SYN3: variants seen among roughly 807,000 people sequenced by gnomAD.
The protein encoded by SYN3 is synapsin III.
SYN3 carries 35 observed loss-of-function variants against 65.8 expected under a neutral mutation model. The observed-to-expected ratio is 0.53, with a 90% CI of 0.41 to 0.70. The LOEUF (loss-of-function observed/expected upper bound fraction) is 0.70, where lower values mean the gene tolerates loss of function less well. SYN3 is among the 30% of genes least tolerant of loss of function. The probability of loss-of-function intolerance (pLI) is 0.00; values close to 1 mark genes in which losing one functional copy is unlikely to be tolerated. For synonymous variants in SYN3, 270 were observed against 292.9 expected, an observed-to-expected ratio of 0.92 and a Z score of 0.80; for missense variants, 680 against 749.0, an observed-to-expected ratio of 0.91 and a Z score of 1.08.
rs889151335 is a variant in SYN3 at position 32,952,036 on chromosome 22, G to A, written c.370-20555C>T. 4.6e-5 allele frequency among the ~76,000 whole-genome samples: 7 copies of A among 152,104 alleles called. No individual in the cohort carries two copies. In the South Asian group the frequency reaches 1.5e-3, roughly 32 times the overall value. ...ATTTTTAGCTTGCTGGTCCTGGGGGGGATCAGTGACTTCCTTGGCTGGCAT... is the reference window on the plus strand; with the variant it reads ...ATTTTTAGCTTGCTGGTCCTGGGGGAGATCAGTGACTTCCTTGGCTGGCAT... On this transcript the variant is annotated intron_variant, in intron 3 of 13. Transcript: ENST00000358763.
At chr22:32,803,205 GCC>G (rs2046638084) in intron 6 of SYN3, among the ~76,000 whole-genome samples, 1 of 152,102 alleles carries the variant, frequency 6.6e-6, no homozygotes, top group Admixed American at 6.5e-5. Context: ...CAGCCTTGCC[GCC>G]CTCTGCCTGT....
rs193036689 is a variant in SYN3, at chr22:32,585,886, G to A, written c.774+10788C>T. ...TATATACGTATATAGACATATATACGTATATATACGTATATATGTGTATGT... is the reference window on the plus strand; with the variant it reads ...TATATACGTATATAGACATATATACATATATATACGTATATATGTGTATGT... On this transcript the variant is annotated intron_variant, in intron 7 of 13. Coordinates refer to ENST00000358763, the MANE Select transcript of SYN3 (RefSeq NM_003490.4). 9.0e-4 allele frequency among the ~76,000 whole-genome samples: 133 copies of A among 148,398 alleles called. 1 individual carries two copies. Among genetic ancestry groups the A allele is most frequent in the Middle Eastern group, 3.6e-3 (1 of 278 alleles).
At chr22:32,714,928 G>A (rs1293485385) in intron 6 of SYN3, among the ~76,000 whole-genome samples, 2 of 152,056 alleles carry the variant, frequency 1.3e-5, no homozygotes, top group Non-Finnish European at 2.9e-5. Context: ...AGTTCTTCCC[G>A]CTCATCTCCC....
At chr22:32,718,664 C>T (rs1437463981) in intron 6 of SYN3, among the ~76,000 whole-genome samples, 2 of 145,534 alleles carry the variant, frequency 1.4e-5, no homozygotes, top group African/African-American at 2.5e-5. Flanking sequence ...AAAAAAAAAT[C>T]AACCAGAAAT....
chr22:32,849,651 C>A, intron 6 of SYN3: 2 of 878,496 alleles, frequency 2.3e-6, no homozygotes, highest in Non-Finnish European at 3.7e-6. Flanking sequence ...ACCAGCCAGA[C>A]CCAGCCCTTC....
At position 32,508,119 on chromosome 22, in the gene SYN3, C is replaced by T. The variant is rs902563064; in HGVS notation, c.*5573G>A. Among the ~76,000 whole-genome samples, 12 of 152,150 alleles carry T rather than the reference C, an allele frequency of 7.9e-5. No individual in the cohort carries two copies. Among genetic ancestry groups the T allele is most frequent in the African/African-American group, 2.7e-4 (11 of 41,416 alleles). ...AAGCCATCGCATCCCCTGTGACTTG[C>T]GCGTATACGCCCAGATGGCCTGAAG... On this transcript the variant is annotated 3_prime_UTR_variant, in exon 14 of 14. Coordinates refer to ENST00000358763, the MANE Select transcript of SYN3 (RefSeq NM_003490.4).
intron 1 of SYN3, among the ~76,000 whole-genome samples, chr22:33,055,999 G>C (rs1398874782): frequency 2.0e-5 from 3 of 152,186 alleles, no homozygotes; most frequent in African/African-American, 4.8e-5. Flanking sequence ...AGTTGTGAGT[G>C]ATTGTTATTA....
chr22:32,664,521 G>A (rs1305362446), intron 6 of SYN3, among the ~76,000 whole-genome samples: 1 of 150,056 alleles, frequency 6.7e-6, no homozygotes, highest in African/African-American at 2.5e-5. Context: ...GTCCTTTAGT[G>A]GTGATATCTG....
chr22:33,039,501 T>C (rs928406835), intron 1 of SYN3, among the ~76,000 whole-genome samples: 16 of 151,912 alleles, frequency 1.1e-4, no homozygotes, highest in African/African-American at 3.9e-4. Flanking sequence ...TTCAAGCGAT[T>C]CTCCTGCCTC....
At chr22:32,547,098 C>T (rs2058347198) in intron 7 of SYN3, among the ~76,000 whole-genome samples, 1 of 152,130 alleles carries the variant, frequency 6.6e-6, no homozygotes, top group Admixed American at 6.5e-5. Context: ...CCACCTTAGC[C>T]TCTTGAGTGG....
intron 4 of SYN3, among the ~76,000 whole-genome samples, chr22:32,870,908 G>A (rs999443043): frequency 4.6e-5 from 7 of 152,104 alleles, no homozygotes; most frequent in Admixed American, 2.0e-4. Flanking sequence ...TAAGGATACT[G>A]CCCTTTATCC....
chr22:32,541,734 G>T (rs2058258887), intron 7 of SYN3, 21 bp from the exon 8 acceptor site: 1 of 1,610,734 alleles, frequency 6.2e-7, no homozygotes, highest in Non-Finnish European at 8.5e-7. Context: ...GGATGAGGGG[G>T]ATGAGTGCCA....
At chr22:32,775,711 C>G (rs1351397124) in intron 6 of SYN3, among the ~76,000 whole-genome samples, 1 of 107,328 alleles carries the variant, frequency 9.3e-6, no homozygotes, top group Non-Finnish European at 2.0e-5. Flanking sequence ...CTTCCTGGCC[C>G]TTTGAGATAA....
At chr22:32,659,053 T>C (rs2060181058) in intron 6 of SYN3, among the ~76,000 whole-genome samples, 1 of 152,120 alleles carries the variant, frequency 6.6e-6, no homozygotes, top group African/African-American at 2.4e-5. Context: ...TTAAGTGATT[T>C]CCTTAAGGTC....
At chr22:32,989,468 G>A (rs970664864) in intron 2 of SYN3, among the ~76,000 whole-genome samples, 1 of 152,094 alleles carries the variant, frequency 6.6e-6, no homozygotes, top group Admixed American at 6.6e-5. Flanking sequence ...GCTTGGTGTC[G>A]AGCATGATGG....
intron 2 of SYN3, among the ~76,000 whole-genome samples, chr22:32,992,854 C>A (rs982906514): frequency 4.6e-5 from 7 of 152,106 alleles, no homozygotes; most frequent in African/African-American, 1.4e-4. Flanking sequence ...CTCCTGAGCT[C>A]CAGTCTAGAT....
Position 32,833,829 on chromosome 22 carries a change from C to T in SYN3, c.711+31086G>A, listed in dbSNP as rs73885114. 1,858 of 501,772 alleles carry T rather than the reference C, an allele frequency of 3.7e-3. 38 individuals carry two copies. The highest frequency in any genetic ancestry group is 0.034 in the African/African-American group (1,707 of 50,852). The allele number at this position is 501,772 out of a possible 1,614,324, so 31.1% of individuals were successfully genotyped here. On this transcript the variant is annotated intron_variant, in intron 6 of 13. Coordinates refer to ENST00000358763, the MANE Select transcript of SYN3 (RefSeq NM_003490.4). Reference sequence around the variant, plus strand: ...AGTGAGGCTCAAATGGGAAAATCCACGGAAAGCATTTAGCACTGATCATGC... The same window carrying T: ...AGTGAGGCTCAAATGGGAAAATCCATGGAAAGCATTTAGCACTGATCATGC...
At chr22:32,614,637 A>T (rs1227154026) in intron 6 of SYN3, among the ~76,000 whole-genome samples, 4 of 152,152 alleles carry the variant, frequency 2.6e-5, no homozygotes, top group Non-Finnish European at 5.9e-5. Flanking sequence ...GGAAGCAGAG[A>T]CTGTGGGCAG....
intron 3 of SYN3, among the ~76,000 whole-genome samples, chr22:32,975,373 CA>C (rs34119880): frequency 0.36 from 37,435 of 104,092 alleles, 4,970 homozygotes; most frequent in African/African-American, 0.45. Context: ...GACTCCGCCT[CA>C]AAAAAAAAAA....
Sources: gnomAD v4.1 joint callset for allele counts (sites outside exome capture counted in the v4.1 genomes callset) on GRCh38, gnomAD v4.1.1 for gene constraint, MANE v1.5 for transcripts, NCBI Gene and HGNC (gene_info 2026-07-23, HGNC 2026-07-21) for gene names.